Variants in JAK1 observed in about 807,000 individuals in gnomAD.
JAK1 encodes the protein tyrosine-protein kinase JAK1.
In JAK1, 16 loss-of-function variants were observed where a neutral mutation model predicts 136.6. The observed-to-expected ratio is 0.12, with a 90% CI of 0.08 to 0.18. JAK1 has a LOEUF of 0.18. Among genes scored for constraint, JAK1 ranks in the 10% least tolerant of loss-of-function variants. JAK1 has a pLI of 1.00. For synonymous variants in JAK1, 492 were observed against 519.5 expected (o/e 0.95, Z 0.72); for missense variants, 859 against 1,450.1 (o/e 0.59, Z 6.62).
chr1:64,998,074 A>T (rs1191812350), intron 2 of JAK1, among the ~76,000 whole-genome samples: 3 of 152,244 alleles, frequency 2.0e-5, no homozygotes, highest in Non-Finnish European at 4.4e-5. Flanking sequence ...AAGATTGGAT[A>T]CAGCTGGAGA....
chr1:64,956,810 C>T (rs148399260), intron 1 of JAK1, among the ~76,000 whole-genome samples: 1 of 152,222 alleles, frequency 6.6e-6, no homozygotes, highest in East Asian at 1.9e-4. Context: ...ACAGTTTTCG[C>T]AACATATAAA....
chr1:64,857,631 G>C (rs764407233), intron 10 of JAK1, 25 bp downstream of exon 10: 1 of 1,613,212 alleles, frequency 6.2e-7, no homozygotes. Flanking sequence ...TGTATGGCCT[G>C]GTCCAAGCCA....
At chr1:65,018,495 C>CAA (rs1646909629) in intron 2 of JAK1, among the ~76,000 whole-genome samples, 2 of 148,996 alleles carry the variant, frequency 1.3e-5, no homozygotes, top group Admixed American at 6.7e-5. Flanking sequence ...AGAACACACA[C>CAA]ACACACACAC....
At chr1:65,022,628 C>T (rs1247757310) in intron 2 of JAK1, among the ~76,000 whole-genome samples, 3 of 152,146 alleles carry the variant, frequency 2.0e-5, no homozygotes, top group Non-Finnish European at 1.5e-5. Flanking sequence ...CTTCAGACTT[C>T]TAAGCAACTT....
chr1:64,973,242 GGAGAAAGAAAGA>G (rs1196883718), intron 2 of JAK1: 125 of 140,168 alleles, frequency 8.9e-4, no homozygotes, highest in African/African-American at 3.2e-3. Flanking sequence ...AAAGAAAGAA[GGAGAAAGAAAGA>G]GAGAAAGAAA....
chr1:65,014,790 T>C (rs1202778151), intron 2 of JAK1, among the ~76,000 whole-genome samples: 2 of 151,908 alleles, frequency 1.3e-5, no homozygotes, highest in African/African-American at 4.8e-5. Flanking sequence ...GTTCACGCCA[T>C]TCTCCCGCCT....
intron 2 of JAK1, among the ~76,000 whole-genome samples, chr1:64,884,135 C>T (rs1644818713): frequency 6.6e-6 from 1 of 152,112 alleles, no homozygotes; most frequent in Admixed American, 6.6e-5. Context: ...GACGCAGCAC[C>T]AGGAGGGCAG....
intron 4 of JAK1, among the ~76,000 whole-genome samples, chr1:64,878,452 G>A (rs550560712): frequency 5.9e-5 from 9 of 151,736 alleles, no homozygotes; most frequent in Non-Finnish European, 1.3e-4. Flanking sequence ...AGAGAGCAAG[G>A]CCAACCTAGA....
In JAK1 at chr1:64,843,987, C is replaced by T. The variant is rs975359864; in HGVS notation, c.2403+77G>A. The T allele has an allele frequency of 6.5e-6, 10 of 1,547,344 alleles. No homozygotes were observed. In the African/African-American group the frequency reaches 1.4e-4, roughly 21 times the overall value. ...GCCCATCTCTTCCCACAGTGCCAGG[C>T]TTCCGACAACTCCTGGGAAGCCCAC... On this transcript the variant is annotated intron_variant, in intron 17 of 24. Transcript: ENST00000342505.
chr1:65,025,490 T>C (rs780132425), intron 2 of JAK1, among the ~76,000 whole-genome samples: 2 of 152,086 alleles, frequency 1.3e-5, no homozygotes, highest in Non-Finnish European at 2.9e-5. Flanking sequence ...GGCCACAGGG[T>C]AAAATACTAT....
chr1:64,943,630 T>C (rs1253395412), intron 1 of JAK1, among the ~76,000 whole-genome samples: 2 of 152,076 alleles, frequency 1.3e-5, no homozygotes, highest in East Asian at 1.9e-4. Flanking sequence ...AGTTAAATAT[T>C]TGTAGAATTA....
At chr1:64,901,736 C>A (rs920020549) in intron 1 of JAK1, among the ~76,000 whole-genome samples, 25 of 152,146 alleles carry the variant, frequency 1.6e-4, no homozygotes, top group Admixed American at 4.6e-4. Context: ...GTGCAACCAT[C>A]ATCACTATCT....
intron 2 of JAK1, among the ~76,000 whole-genome samples, chr1:64,978,856 A>T (rs945068697): frequency 5.0e-5 from 7 of 141,022 alleles, no homozygotes; most frequent in Non-Finnish European, 9.4e-5. Context: ...TTGATAGATT[A>T]AAAAAAAAAA....
At chr1:64,966,658 G>C (rs531749718), upstream of JAK1, among the ~76,000 whole-genome samples, 1 of 149,510 alleles carries the variant, frequency 6.7e-6, no homozygotes, top group African/African-American at 2.4e-5. Context: ...AGCGGGGCGG[G>C]GTCGCGGTCC....
At chr1:64,877,043 GAT>G (rs1254135924) in intron 4 of JAK1, among the ~76,000 whole-genome samples, 1 of 152,100 alleles carries the variant, frequency 6.6e-6, no homozygotes, top group African/African-American at 2.4e-5. Context: ...CTTATGCTAA[GAT>G]ATATATATAA....
At chr1:64,860,643 G>A (rs561698668) in intron 8 of JAK1, among the ~76,000 whole-genome samples, 8 of 151,882 alleles carry the variant, frequency 5.3e-5, no homozygotes, top group African/African-American at 1.2e-4. Flanking sequence ...TAGTAGATAC[G>A]GGGTTTCACC....
At chr1:65,062,918 G>A (rs1038334913) in intron 1 of JAK1, among the ~76,000 whole-genome samples, 1 of 152,156 alleles carries the variant, frequency 6.6e-6, no homozygotes, top group African/African-American at 2.4e-5. Context: ...TCCAGTCTCT[G>A]TCTATATGGT....
intron 7 of JAK1, among the ~76,000 whole-genome samples, 178 bp downstream of exon 7, chr1:64,866,688 T>C (rs1300798772): frequency 6.6e-6 from 1 of 152,232 alleles, no homozygotes; most frequent in Non-Finnish European, 1.5e-5. Flanking sequence ...ACTCAATAAA[T>C]ACTTATTTAG....
intron 10 of JAK1, among the ~76,000 whole-genome samples, chr1:64,856,546 G>A (rs377173453): frequency 2.4e-4 from 37 of 152,244 alleles, no homozygotes; most frequent in African/African-American, 6.3e-4. Flanking sequence ...AGGGAGTCAC[G>A]GACACTCTTG....
Sources: gnomAD v4.1 joint callset for allele counts (sites outside exome capture counted in the v4.1 genomes callset) on GRCh38, gnomAD v4.1.1 for gene constraint, MANE v1.5 for transcripts, NCBI Gene and HGNC (gene_info 2026-07-23, HGNC 2026-07-21) for gene names.